DLGAP2: variants seen among roughly 807,000 people sequenced by gnomAD.
DLGAP2 encodes disks large-associated protein 2.
Under a neutral mutation model 100.3 loss-of-function variants are expected in DLGAP2, and 26 were observed. The observed-to-expected ratio is 0.26, with a 90% CI of 0.19 to 0.36. The LOEUF is 0.36. Ranked by LOEUF, DLGAP2 falls within the 10% of genes least tolerant of loss-of-function variation. The pLI, the probability that DLGAP2 is intolerant of heterozygous loss-of-function variation, is 1.00. For missense variants in DLGAP2, 1,858 were observed against 1,453.2 expected (o/e 1.28, Z -4.53); for synonymous variants, 886 against 630.1 (o/e 1.41, Z -6.08).
At chr8:1,523,434 A>G (rs1442193981) in intron 4 of DLGAP2, among the ~76,000 whole-genome samples, 4 of 152,196 alleles carry the variant, frequency 2.6e-5, no homozygotes, top group Non-Finnish European at 4.4e-5. Context: ...AGCCCCAGCC[A>G]TGCCCCCACG....
intron 2 of DLGAP2, among the ~76,000 whole-genome samples, chr8:968,918 G>C (rs1203576210): frequency 2.6e-5 from 4 of 152,124 alleles, no homozygotes; most frequent in Non-Finnish European, 4.4e-5. Context: ...CATTATGGTG[G>C]GATTTGCTGT....
At chr8:1,675,428 C>T (rs530762979) in intron 10 of DLGAP2, among the ~76,000 whole-genome samples, 1 of 152,338 alleles carries the variant, frequency 6.6e-6, no homozygotes, top group Non-Finnish European at 1.5e-5. Context: ...GGAACCTCAG[C>T]CTAGTGCCTG....
intron 3 of DLGAP2, among the ~76,000 whole-genome samples, chr8:1,319,885 G>C (rs1800855453): frequency 6.6e-6 from 1 of 152,212 alleles, no homozygotes; most frequent in Admixed American, 6.5e-5. Flanking sequence ...AGGAGACAAA[G>C]GCAGAGGGAA....
chr8:1,223,136 C>G (rs1297778139), intron 2 of DLGAP2, among the ~76,000 whole-genome samples: 3 of 152,184 alleles, frequency 2.0e-5, no homozygotes, highest in Non-Finnish European at 2.9e-5. Flanking sequence ...GTGGGCCACT[C>G]CATGCCTGTT....
intron 1 of DLGAP2, among the ~76,000 whole-genome samples, chr8:857,661 G>C (rs918259612): frequency 6.6e-6 from 1 of 152,152 alleles, no homozygotes; most frequent in Non-Finnish European, 1.5e-5. Flanking sequence ...CCAAGATCCA[G>C]ACACTGGCAA....
At chr8:953,548 A>G (rs1799530763) in intron 2 of DLGAP2, among the ~76,000 whole-genome samples, 1 of 152,190 alleles carries the variant, frequency 6.6e-6, no homozygotes, top group South Asian at 2.1e-4. Flanking sequence ...ACTGATAGCA[A>G]ATACTTTCAG....
intron 6 of DLGAP2, among the ~76,000 whole-genome samples, chr8:1,589,551 C>A (rs1796227851): frequency 6.6e-6 from 1 of 152,194 alleles, no homozygotes; most frequent in Non-Finnish European, 1.5e-5. Context: ...CCTCTCACCG[C>A]AGCCTCCCCA....
intron 1 of DLGAP2, among the ~76,000 whole-genome samples, chr8:797,385 G>A (rs1796057945): frequency 6.6e-6 from 1 of 152,210 alleles, no homozygotes; most frequent in African/African-American, 2.4e-5. Context: ...TGTATCAATA[G>A]TTTCTTTCCT....
At chr8:786,610 C>A (rs1563432254) in intron 1 of DLGAP2, among the ~76,000 whole-genome samples, 1 of 151,940 alleles carries the variant, frequency 6.6e-6, no homozygotes, top group African/African-American at 2.4e-5. Flanking sequence ...CAGGAACCAG[C>A]GGCTCTTCGG....
intron 1 of DLGAP2, chr8:753,681 G>A (rs569177272): frequency 3.0e-4 from 46 of 152,306 alleles, no homozygotes; most frequent in African/African-American, 1.1e-3. Flanking sequence ...TTCATCATTC[G>A]AATGCTGTGG....
intron 2 of DLGAP2, among the ~76,000 whole-genome samples, chr8:984,348 T>C (rs1800426854): frequency 6.6e-6 from 1 of 152,220 alleles, no homozygotes; most frequent in Non-Finnish European, 1.5e-5. Context: ...CTTTCATTTT[T>C]GCTCAGTCCA....
intron 3 of DLGAP2, among the ~76,000 whole-genome samples, chr8:1,277,727 T>G (rs886865796): frequency 1.3e-5 from 2 of 152,100 alleles, no homozygotes; most frequent in Non-Finnish European, 2.9e-5. Flanking sequence ...GGGGCAGGAA[T>G]CAGCATACCC....
chr8:1,318,856 G>C (rs1156763627), intron 3 of DLGAP2, among the ~76,000 whole-genome samples: 2 of 133,716 alleles, frequency 1.5e-5, no homozygotes, highest in Non-Finnish European at 3.0e-5. Context: ...CTTCCTAAAA[G>C]GCAGAGTTAA....
chr8:1,570,698 G>C (rs1439996957), intron 6 of DLGAP2, among the ~76,000 whole-genome samples: 2 of 150,406 alleles, frequency 1.3e-5, no homozygotes, highest in Admixed American at 1.3e-4. Context: ...GGGGGTGTCT[G>C]ATGAGATGGA....
intron 4 of DLGAP2, among the ~76,000 whole-genome samples, chr8:1,523,451 C>G (rs777433054): frequency 1.3e-5 from 2 of 152,206 alleles, no homozygotes; most frequent in African/African-American, 4.8e-5. Flanking sequence ...CACGCAGACA[C>G]ACGGAGCCCC....
intron 3 of DLGAP2, chr8:1,262,339 G>A (rs1462607382): frequency 6.6e-6 from 1 of 152,170 alleles, no homozygotes; most frequent in Non-Finnish European, 1.5e-5. Flanking sequence ...TTTGAAACTT[G>A]TGAGACTATG....
intron 4 of DLGAP2, among the ~76,000 whole-genome samples, chr8:1,526,203 C>T (rs1194786503): frequency 6.6e-6 from 1 of 151,624 alleles, no homozygotes; most frequent in East Asian, 2.0e-4. Flanking sequence ...CTGCTGGAGC[C>T]TCCTGCATTG....
intron 2 of DLGAP2, among the ~76,000 whole-genome samples, chr8:1,033,390 G>A (rs1802028292): frequency 6.6e-6 from 1 of 152,318 alleles, no homozygotes; most frequent in Non-Finnish European, 1.5e-5. Context: ...GGGGTTGGGG[G>A]TGGTGGTGGC....
At chr8:1,444,347 A>G (rs1797922382) in intron 3 of DLGAP2, among the ~76,000 whole-genome samples, 1 of 152,218 alleles carries the variant, frequency 6.6e-6, no homozygotes, top group African/African-American at 2.4e-5. Context: ...TTTAACTGTT[A>G]ACAACACTAC....
Sources: allele counts gnomAD v4.1 joint callset (sites outside exome capture counted in the v4.1 genomes callset), GRCh38; gene constraint gnomAD v4.1.1; transcripts MANE v1.5; gene names NCBI Gene and HGNC (gene_info 2026-07-23, HGNC 2026-07-21).